Variants in MGST1 observed in about 807,000 individuals in gnomAD.
The protein encoded by MGST1 is glutathione S-transferase 12.
Under a neutral mutation model 8.9 loss-of-function variants are expected in MGST1, and 5 were observed. The ratio of observed to expected loss-of-function variants is 0.56; its 90% confidence interval spans 0.29 to 1.19. The LOEUF (loss-of-function observed/expected upper bound fraction) is 1.19. Ranked by LOEUF, MGST1 falls within the 50% of genes most tolerant of loss-of-function variation. The probability of loss-of-function intolerance (pLI) is 0.08; values close to 1 mark genes in which losing one functional copy is unlikely to be tolerated. For missense variants in MGST1, 182 were observed against 187.4 expected (o/e 0.97, Z 0.17); for synonymous variants, 54 against 67.8 (o/e 0.80, Z 1.00).
intron 4 of MGST1, among the ~76,000 whole-genome samples, chr12:16,480,488 C>T (rs1034542595): frequency 6.6e-6 from 1 of 151,822 alleles, no homozygotes; most frequent in African/African-American, 2.4e-5. Flanking sequence ...AGAATACAAG[C>T]CAGAGATAAA....
chr12:16,517,333 C>A lies in MGST1; in HGVS notation n.483-72195C>A, dbSNP rs142878861. On this transcript the variant is annotated intron_variant and non_coding_transcript_variant, in intron 4 of 4. Coordinates refer to the MGST1 transcript ENST00000538857. The surrounding 1 kb of genome is among the most constrained non-coding windows in gnomAD (Gnocchi z 4.2). Reference sequence around the variant, plus strand: ...GGTGATTAAGTCATAAGTTCTCTCCCCTTATGAATAGAATAATGTTGTTAT... The same window carrying A: ...GGTGATTAAGTCATAAGTTCTCTCCACTTATGAATAGAATAATGTTGTTAT... 5.7e-4 allele frequency among the ~76,000 whole-genome samples: 86 copies of A among 152,206 alleles called. No homozygotes were observed. The highest frequency in any genetic ancestry group is 2.0e-3 in the African/African-American group (82 of 41,516).
intron 4 of MGST1, among the ~76,000 whole-genome samples, chr12:16,571,320 A>G (rs1445676976): frequency 6.6e-6 from 1 of 152,122 alleles, no homozygotes; most frequent in Non-Finnish European, 1.5e-5. Flanking sequence ...AGCACCTAAG[A>G]TTCATGAAGC....
intron 4 of MGST1, among the ~76,000 whole-genome samples, chr12:16,553,842 T>A (rs1239123087): frequency 6.6e-6 from 1 of 151,840 alleles, no homozygotes; most frequent in Non-Finnish European, 1.5e-5. Context: ...TTTAACCAAC[T>A]TCTTATGAGA....
chr12:16,567,871 TC>T (rs1391077905), intron 4 of MGST1, among the ~76,000 whole-genome samples: 1 of 152,144 alleles, frequency 6.6e-6, no homozygotes, highest in Admixed American at 6.6e-5. Flanking sequence ...TCAAGCCCAC[TC>T]AGAGGGCTCA....
At chr12:16,373,430 A>G (rs547108955) in intron 3 of MGST1, among the ~76,000 whole-genome samples, 1 of 152,184 alleles carries the variant, frequency 6.6e-6, no homozygotes, top group East Asian at 1.9e-4. Context: ...ACACAAAGAA[A>G]TGATAAATAC....
intron 4 of MGST1, among the ~76,000 whole-genome samples, chr12:16,477,731 G>A (rs746388617): frequency 2.0e-4 from 30 of 152,068 alleles, no homozygotes; most frequent in Non-Finnish European, 3.4e-4. Flanking sequence ...TAAGTCTTGA[G>A]ATTTCAGCTC....
In MGST1 at chr12:16,357,444, A is replaced by G. The variant is rs1939769699; in HGVS notation, c.127-161A>G. The G allele has an allele frequency of 5.3e-6, 3 of 565,742 alleles. No homozygotes were observed. The East Asian group carries it at 9.3e-5, about 18-fold the overall frequency. 35.0% of individuals were successfully genotyped at this position (565,742 alleles called of 1,614,324 possible). On this transcript the variant is annotated intron_variant, in intron 2 of 3. Transcript: ENST00000396210. ...CTACCATGCAAAATTTTTTTTAAAA[A>G]AATTTGTAGATATGGGTACTCCCTA... is the stretch of plus-strand genomic sequence containing the variant.
rs147897957 is a variant in MGST1, at chr12:16,450,246, G to A, written n.482+66642G>A. On this transcript the variant is annotated intron_variant and non_coding_transcript_variant, in intron 4 of 4. Coordinates refer to the MGST1 transcript ENST00000538857. ...TTATTGGTTGCACGGATAACCCTTA[G>A]GGTGTCTGTGTCCAGTCACTTGGGC... is the stretch of plus-strand genomic sequence containing the variant. Among the ~76,000 whole-genome samples the A allele has an allele frequency of 3.1e-3, 464 of 151,932 alleles. 1 individual carries two copies. Among genetic ancestry groups the A allele is most frequent in the Non-Finnish European group, 4.2e-3 (288 of 67,880 alleles).
Position 16,500,375 on chromosome 12 carries a change from A to G in MGST1, n.483-89153A>G, listed in dbSNP as rs556733381. The stretch of plus-strand genomic sequence containing the variant: ...AGAGGTTCTTATTATAACAACAGCT[A>G]TTCCCAACCTTCTAGCTTGATCCAT... On this transcript the variant is annotated intron_variant and non_coding_transcript_variant, in intron 4 of 4. Transcript: ENST00000538857. This position sits in a 1 kb window ranked among gnomAD's most constrained non-coding sequence, Gnocchi z 4.3. Among the ~76,000 whole-genome samples, 23 of 152,372 alleles carry G rather than the reference A, an allele frequency of 1.5e-4. No homozygotes were observed. Among genetic ancestry groups the G allele is most frequent in the Admixed American group, 1.4e-3 (22 of 15,298 alleles).
At chr12:16,474,905 A>G (rs1038727470) in intron 4 of MGST1, among the ~76,000 whole-genome samples, 1 of 152,228 alleles carries the variant, frequency 6.6e-6, no homozygotes, top group South Asian at 2.1e-4. Context: ...TAAAATGAAC[A>G]TAAGTATGAT....
chr12:16,361,187 G>C lies in MGST1; in HGVS notation c.222-2608G>C, dbSNP rs973978558. 6.6e-6 allele frequency among the ~76,000 whole-genome samples: 1 copy of C among 152,196 alleles called. No individual in the cohort carries two copies. Among genetic ancestry groups the C allele is most frequent in the Non-Finnish European group, 1.5e-5 (1 of 68,036 alleles). ...AACACATGGCTGGCTATGTGCTGAG[G>C]GTGAAGAGCTTTGGCTGAGATGAGG... On this transcript the variant is annotated intron_variant, in intron 3 of 3. Transcript: ENST00000396210. The surrounding 1 kb of genome is among the most constrained non-coding windows in gnomAD (Gnocchi z 4.2).
chr12:16,557,524 T>A (rs896261436), intron 4 of MGST1, among the ~76,000 whole-genome samples: 3 of 152,124 alleles, frequency 2.0e-5, no homozygotes, highest in Admixed American at 6.5e-5. Flanking sequence ...GTTATATACC[T>A]TGTTTAAGTA....
At chr12:16,423,105 C>A (rs1940852529) in intron 1 of MGST1, among the ~76,000 whole-genome samples, 1 of 152,186 alleles carries the variant, frequency 6.6e-6, no homozygotes, top group Non-Finnish European at 1.5e-5. Flanking sequence ...TAAACAGTAA[C>A]CTGGAGCAAT....
Position 16,513,360 on chromosome 12 carries a change from T to A in MGST1, n.483-76168T>A. Reference sequence around the variant, plus strand: ...TTTATGCTTGCCCTCTGCTCCGTCCTGCGTCTGCCCACTGCCCTCCTACCG... The same window carrying A: ...TTTATGCTTGCCCTCTGCTCCGTCCAGCGTCTGCCCACTGCCCTCCTACCG... On this transcript the variant is annotated intron_variant and non_coding_transcript_variant, in intron 4 of 4. Transcript: ENST00000538857. The surrounding 1 kb of genome is among the most constrained non-coding windows in gnomAD (Gnocchi z 4.2). The A allele has an allele frequency of 2.8e-6, 1 of 354,206 alleles. No homozygotes were observed. Among genetic ancestry groups the A allele is most frequent in the South Asian group, 2.2e-5 (1 of 45,612 alleles). The allele number at this position is 354,206 out of a possible 1,614,324, so 21.9% of individuals were successfully genotyped here. A position where few individuals can be genotyped will look rare whatever the true frequency, so the allele number is the denominator to read the frequency against.
intron 1 of MGST1, among the ~76,000 whole-genome samples, chr12:16,407,401 G>C (rs1039056825): frequency 6.6e-6 from 1 of 152,062 alleles, no homozygotes; most frequent in Non-Finnish European, 1.5e-5. Flanking sequence ...TTATTAAAAA[G>C]CCAAAAAATA....
At chr12:16,473,889 C>A (rs1941304044) in intron 4 of MGST1, among the ~76,000 whole-genome samples, 1 of 151,990 alleles carries the variant, frequency 6.6e-6, no homozygotes, top group Admixed American at 6.6e-5. Context: ...TCAAAATAAA[C>A]AAATAAATAA....
At chr12:16,395,792 T>TACACACACACAC (rs1371254759) in intron 1 of MGST1, among the ~76,000 whole-genome samples, 4 of 124,628 alleles carry the variant, frequency 3.2e-5, no homozygotes, top group South Asian at 5.0e-4. Flanking sequence ...TATATATATA[T>TACACACACACAC]ATATATATAT....
At chr12:16,556,209 T>C (rs778993012) in intron 4 of MGST1, among the ~76,000 whole-genome samples, 58 of 152,346 alleles carry the variant, frequency 3.8e-4, no homozygotes, top group African/African-American at 1.3e-3. Flanking sequence ...CATTTAGTTT[T>C]ATTGTGTTTT....
At position 16,537,493 on chromosome 12, in the gene MGST1, G is replaced by T. The variant is rs1941762991; in HGVS notation, n.483-52035G>T. ...TGCCCCAGTATGGACTCTGTGTGGG[G>T]GCACCAACCCCACATTTCCCTTCCG... On this transcript the variant is annotated intron_variant and non_coding_transcript_variant, in intron 4 of 4. Coordinates refer to the MGST1 transcript ENST00000538857. The surrounding 1 kb of genome is among the most constrained non-coding windows in gnomAD (Gnocchi z 4.6). Among the ~76,000 whole-genome samples the T allele has an allele frequency of 6.6e-6, 1 of 152,176 alleles. No individual in the cohort carries two copies. Among genetic ancestry groups the T allele is most frequent in the Non-Finnish European group, 1.5e-5 (1 of 68,028 alleles).
Sources: gnomAD v4.1 joint callset for allele counts (sites outside exome capture counted in the v4.1 genomes callset) on GRCh38, gnomAD v4.1.1 for gene constraint, Gnocchi (gnomAD v3.1) non-coding constraint, MANE v1.5 for transcripts, NCBI Gene and HGNC (gene_info 2026-07-23, HGNC 2026-07-21) for gene names.